ERC2: variants seen among roughly 807,000 people sequenced by gnomAD.
The protein encoded by ERC2 is ERC protein 2.
In ERC2, 42 loss-of-function variants were observed where a neutral mutation model predicts 114.8. The ratio of observed to expected loss-of-function variants is 0.37; its 90% CI spans 0.29 to 0.47. The LOEUF (loss-of-function observed/expected upper bound fraction) is 0.47, where lower values mean the gene tolerates loss of function less well. ERC2 is among the 20% of genes least tolerant of loss of function. The pLI is 0.99. For synonymous variants in ERC2, 454 were observed against 425.5 expected (o/e 1.07, Z -0.82); for missense variants, 939 against 1,150.7 (o/e 0.82, Z 2.66).
chr3:56,282,493 G>A (rs914473476), intron 3 of ERC2, among the ~76,000 whole-genome samples: 4 of 152,218 alleles, frequency 2.6e-5, no homozygotes, highest in Non-Finnish European at 5.9e-5. Flanking sequence ...CAAAACAATA[G>A]ATGGTATGCT....
chr3:55,978,195 A>G (rs1265886995), intron 12 of ERC2, among the ~76,000 whole-genome samples: 1 of 152,214 alleles, frequency 6.6e-6, no homozygotes, highest in African/African-American at 2.4e-5. Context: ...ATCTTTTTAT[A>G]CATGAATACA....
chr3:55,767,012 A>G (rs1333909322), intron 14 of ERC2, among the ~76,000 whole-genome samples: 2 of 152,162 alleles, frequency 1.3e-5, no homozygotes, highest in Non-Finnish European at 2.9e-5. Flanking sequence ...TAATTCATTC[A>G]ACTAACAAAT....
intron 14 of ERC2, among the ~76,000 whole-genome samples, chr3:55,799,412 T>TATATATATATATA (rs1553682426): frequency 9.3e-6 from 1 of 107,070 alleles, no homozygotes; most frequent in Non-Finnish European, 1.8e-5. Flanking sequence ...TATATATGCC[T>TATATATATATATA]TATATATATG....
At chr3:55,542,684 A>G (rs1453711842) in intron 17 of ERC2, among the ~76,000 whole-genome samples, 3 of 152,124 alleles carry the variant, frequency 2.0e-5, no homozygotes, top group Non-Finnish European at 4.4e-5. Context: ...CTTTCAGATT[A>G]TTTCCCCTTT....
At chr3:56,332,214 A>G (rs1437578685) in intron 2 of ERC2, among the ~76,000 whole-genome samples, 3 of 152,222 alleles carry the variant, frequency 2.0e-5, no homozygotes, top group Non-Finnish European at 4.4e-5. Flanking sequence ...ACGCATGCAC[A>G]TAAATGCACA....
intron 17 of ERC2, among the ~76,000 whole-genome samples, chr3:55,520,232 G>A (rs765603140): frequency 2.0e-5 from 3 of 151,698 alleles, no homozygotes; most frequent in Non-Finnish European, 4.4e-5. Context: ...GGGGACAGAT[G>A]GCCTGAGAGC....
At chr3:56,357,182 G>A (rs2058776079) in intron 2 of ERC2, among the ~76,000 whole-genome samples, 1 of 152,084 alleles carries the variant, frequency 6.6e-6, no homozygotes, top group Non-Finnish European at 1.5e-5. Flanking sequence ...GAGTCAAAGG[G>A]CTCTAAGCCC....
At chr3:55,580,435 G>A (rs1255335183) in intron 17 of ERC2, among the ~76,000 whole-genome samples, 1 of 152,176 alleles carries the variant, frequency 6.6e-6, no homozygotes, top group South Asian at 2.1e-4. Flanking sequence ...GACCAAGAGA[G>A]ACCAAATGCA....
intron 2 of ERC2, among the ~76,000 whole-genome samples, chr3:56,350,079 C>T (rs1266640004): frequency 6.6e-6 from 1 of 152,088 alleles, no homozygotes; most frequent in Non-Finnish European, 1.5e-5. Context: ...AATGTCTAGC[C>T]CAGAACAACG....
intron 14 of ERC2, among the ~76,000 whole-genome samples, chr3:55,795,018 C>T (rs1241730441): frequency 6.6e-6 from 1 of 152,124 alleles, no homozygotes; most frequent in Non-Finnish European, 1.5e-5. Flanking sequence ...TATTTTCCTT[C>T]CCTGAGCCTG....
chr3:56,184,191 C>T (rs938023122), intron 3 of ERC2, among the ~76,000 whole-genome samples: 1 of 152,004 alleles, frequency 6.6e-6, no homozygotes, highest in African/African-American at 2.4e-5. Context: ...GTCCTGGAAA[C>T]CACAGAAATT....
chr3:56,393,414 G>A (rs2060196974), intron 2 of ERC2, among the ~76,000 whole-genome samples: 1 of 152,036 alleles, frequency 6.6e-6, no homozygotes, highest in Admixed American at 6.6e-5. Context: ...AAAATAAAAT[G>A]AAATGTCATT....
At position 56,111,317 on chromosome 3, in the gene ERC2, T is replaced by TTC. The variant is rs568063675; in HGVS notation, c.1473+28190_1473+28191dup. On this transcript the variant is annotated intron_variant, in intron 6 of 17. Transcript: ENST00000288221. ...TCTCCCTCTTTCTCTCTCTCCCTCT[T>TTC]TCTCTCTCTCTCTCTCAATCTCTCT... 7.3e-3 allele frequency among the ~76,000 whole-genome samples: 1,037 copies of TTC among 141,922 alleles called. 5 individuals are homozygous for TTC. The highest frequency in any genetic ancestry group is 0.012 in the Non-Finnish European group (801 of 64,548). 93.1% of individuals were successfully genotyped at this position (141,922 alleles called of 152,430 possible).
At chr3:55,952,393 C>T (rs1363865284) in intron 12 of ERC2, among the ~76,000 whole-genome samples, 1 of 151,808 alleles carries the variant, frequency 6.6e-6, no homozygotes, top group Non-Finnish European at 1.5e-5. Flanking sequence ...CAGCAACATA[C>T]ACACGTGAAG....
intron 17 of ERC2, among the ~76,000 whole-genome samples, chr3:55,676,476 T>TA (rs2061820785): frequency 6.7e-6 from 1 of 150,122 alleles, no homozygotes; most frequent in South Asian, 2.1e-4. Flanking sequence ...TTATTATTAT[T>TA]ATTTTAGCAT....
chr3:55,640,332 A>G (rs1172952330), intron 17 of ERC2, among the ~76,000 whole-genome samples: 1 of 152,142 alleles, frequency 6.6e-6, no homozygotes, highest in Non-Finnish European at 1.5e-5. Context: ...TGTTCTTGAC[A>G]TATATTATTG....
At chr3:55,789,661 C>T (rs908482219) in intron 14 of ERC2, among the ~76,000 whole-genome samples, 3 of 152,146 alleles carry the variant, frequency 2.0e-5, no homozygotes, top group Non-Finnish European at 2.9e-5. Flanking sequence ...CTATCATTTC[C>T]CCCAAACAAT....
chr3:55,787,940 T>C (rs2069646403), intron 14 of ERC2, among the ~76,000 whole-genome samples: 1 of 152,244 alleles, frequency 6.6e-6, no homozygotes. Context: ...TTAGAGATTT[T>C]TGATGTGTAC....
intron 3 of ERC2, among the ~76,000 whole-genome samples, chr3:56,184,153 G>A (rs914088151): frequency 6.6e-6 from 1 of 152,046 alleles, no homozygotes; most frequent in African/African-American, 2.4e-5. Flanking sequence ...CTTTTTCACA[G>A]ATTCATCTTG....
Sources: allele counts gnomAD v4.1 joint callset (sites outside exome capture counted in the v4.1 genomes callset), GRCh38; gene constraint gnomAD v4.1.1; transcripts MANE v1.5; gene names NCBI Gene and HGNC (gene_info 2026-07-23, HGNC 2026-07-21).